MCC: variants seen among roughly 807,000 people sequenced by gnomAD.
MCC encodes MCC regulator of Wnt signaling pathway.
In MCC, 90 loss-of-function variants were observed where a neutral mutation model predicts 116.2. The observed-to-expected ratio is 0.77, with a 90% CI of 0.65 to 0.92. The LOEUF (loss-of-function observed/expected upper bound fraction) is 0.92. Ranked by LOEUF, MCC falls within the 40% of genes least tolerant of loss-of-function variation. MCC has a pLI of 0.00. For missense variants in MCC, 1,516 were observed against 1,312.2 expected (o/e 1.16, Z -2.40); for synonymous variants, 578 against 510.5 (o/e 1.13, Z -1.78).
chr5:113,028,885 A>C (rs1006995418), intron 18 of MCC, 49 bp downstream of exon 18: 1 of 1,599,226 alleles, frequency 6.3e-7, no homozygotes, highest in African/African-American at 1.3e-5. Context: ...TGTCAGTCCA[A>C]GTACCACAGG....
Position 113,083,021 on chromosome 5 carries a change from G to T in MCC, c.1636-13C>A. On this transcript the variant is annotated splice_polypyrimidine_tract_variant and intron_variant, in intron 10 of 18. Coordinates refer to ENST00000408903, the MANE Select transcript of MCC (RefSeq NM_001085377.2). ...CACTGCTGGATACCTGCAAAAAGAA[G>T]CATTAATTCCCCTTTGGAACATATC... 6.2e-7 allele frequency: 1 copy of T among 1,608,030 alleles called. No homozygotes were observed. Among genetic ancestry groups the T allele is most frequent in the Non-Finnish European group, 8.5e-7 (1 of 1,177,762 alleles).
chr5:113,217,032 G>A (rs1037775611), intron 3 of MCC, among the ~76,000 whole-genome samples: 4 of 152,188 alleles, frequency 2.6e-5, no homozygotes, highest in African/African-American at 9.6e-5. Flanking sequence ...CAAGTACACT[G>A]ACAATGAACA....
intron 5 of MCC, among the ~76,000 whole-genome samples, chr5:113,142,141 C>CAATTTGAGGTAAG (rs1324682360): frequency 2.7e-5 from 4 of 147,080 alleles, no homozygotes; most frequent in South Asian, 2.1e-4. Context: ...CCATTAGTAG[C>CAATTTGAGGTAAG]CTCATCAAGA....
At chr5:113,442,580 A>C (rs1330020156) in intron 1 of MCC, among the ~76,000 whole-genome samples, 1 of 152,170 alleles carries the variant, frequency 6.6e-6, no homozygotes, top group South Asian at 2.1e-4. Flanking sequence ...ACCCATGCCT[A>C]TGTCCTGAAT....
intron 1 of MCC, among the ~76,000 whole-genome samples, chr5:113,398,526 C>A (rs534169759): frequency 6.6e-6 from 1 of 152,288 alleles, no homozygotes; most frequent in South Asian, 2.1e-4. Context: ...ATGTCCTTTG[C>A]AGCAACATGA....
chr5:113,142,494 C>T (rs1389826084), intron 5 of MCC, among the ~76,000 whole-genome samples: 1 of 151,886 alleles, frequency 6.6e-6, no homozygotes, highest in Non-Finnish European at 1.5e-5. Flanking sequence ...GTAAGGAAGG[C>T]AGAATCCCTA....
rs1561718581 is a variant in MCC at position 113,022,979 on chromosome 5, A to T, written c.*4323T>A. ...AAATGTATGGTGATCTGCATGTGAAACTGTCTTTCTCTACACAGGTATTAG... is the reference window on the plus strand; with the variant it reads ...AAATGTATGGTGATCTGCATGTGAATCTGTCTTTCTCTACACAGGTATTAG... On this transcript the variant is annotated 3_prime_UTR_variant, in exon 19 of 19. Coordinates refer to ENST00000408903, the MANE Select transcript of MCC (RefSeq NM_001085377.2). 6.6e-6 allele frequency: 1 copy of T among 152,224 alleles called. No individual in the cohort carries two copies. The highest frequency in any genetic ancestry group is 1.5e-5 in the Non-Finnish European group (1 of 68,034). 9.4% of individuals were successfully genotyped at this position (152,224 alleles called of 1,614,324 possible).
intron 3 of MCC, among the ~76,000 whole-genome samples, chr5:113,177,360 C>T (rs560857482): frequency 6.6e-6 from 1 of 152,328 alleles, no homozygotes; most frequent in East Asian, 1.9e-4. Context: ...GTTCCTCTAA[C>T]ATGGGAACTA....
chr5:113,122,492 T>C (rs1024190596), intron 6 of MCC, among the ~76,000 whole-genome samples, 192 bp downstream of exon 6: 2 of 152,262 alleles, frequency 1.3e-5, no homozygotes, highest in African/African-American at 4.8e-5. Flanking sequence ...CACAATTGTA[T>C]CAGAGCAGAA....
chr5:113,309,332 C>T (rs909153114), intron 3 of MCC, among the ~76,000 whole-genome samples: 5 of 152,162 alleles, frequency 3.3e-5, no homozygotes, highest in South Asian at 2.1e-4. Flanking sequence ...TTTTTTACCC[C>T]GTGTTCTTCT....
chr5:113,077,644 C>T (rs551699567), intron 11 of MCC, among the ~76,000 whole-genome samples: 19 of 152,168 alleles, frequency 1.2e-4, no homozygotes, highest in South Asian at 2.1e-4. Flanking sequence ...ATCTCTGGGA[C>T]ACATTTAAAG....
At chr5:113,132,949 CTAAGA>C (rs1758552374) in intron 5 of MCC, among the ~76,000 whole-genome samples, 1 of 152,032 alleles carries the variant, frequency 6.6e-6, no homozygotes, top group African/African-American at 2.4e-5. Flanking sequence ...GGAGAACTCC[CTAAGA>C]TTTCAAACTA....
intron 14 of MCC, 102 bp downstream of exon 14, chr5:113,063,882 C>T (rs1753394195): frequency 1.5e-6 from 2 of 1,307,324 alleles, no homozygotes; most frequent in Non-Finnish European, 2.1e-6. Context: ...TGCCTTTTCC[C>T]AAGCCACACA....
chr5:113,379,724 G>A (rs935254752), intron 2 of MCC, among the ~76,000 whole-genome samples: 3 of 152,096 alleles, frequency 2.0e-5, no homozygotes, highest in African/African-American at 4.8e-5. Flanking sequence ...GGCTTAAACC[G>A]ATATAAAAAT....
intron 3 of MCC, among the ~76,000 whole-genome samples, chr5:113,247,044 C>A (rs7724936): frequency 0.16 from 24,136 of 152,234 alleles, 2,259 homozygotes; most frequent in Admixed American, 0.29. Flanking sequence ...TGCTCTTTCA[C>A]CTTTGTCCTC....
At chr5:113,308,335 G>A (rs1196999006) in intron 3 of MCC, among the ~76,000 whole-genome samples, 1 of 152,132 alleles carries the variant, frequency 6.6e-6, no homozygotes, top group Non-Finnish European at 1.5e-5. Context: ...GCTGTATGAT[G>A]CTCAGTTCAA....
At chr5:113,475,605 G>T (rs1418349609) in intron 1 of MCC, among the ~76,000 whole-genome samples, 1 of 152,054 alleles carries the variant, frequency 6.6e-6, no homozygotes, top group Non-Finnish European at 1.5e-5. Context: ...TCTCCATATG[G>T]CTTCCACTCT....
intron 3 of MCC, among the ~76,000 whole-genome samples, chr5:113,174,082 G>A (rs546038372): frequency 6.6e-6 from 1 of 152,260 alleles, no homozygotes; most frequent in African/African-American, 2.4e-5. Context: ...TCTAGAATGA[G>A]GTATATCACT....
chr5:113,159,023 G>C (rs1177275275), intron 3 of MCC, among the ~76,000 whole-genome samples: 1 of 152,148 alleles, frequency 6.6e-6, no homozygotes, highest in Non-Finnish European at 1.5e-5. Context: ...GGGTTTTCGT[G>C]ATGGCAGCAC....
Sources: allele counts gnomAD v4.1 joint callset (sites outside exome capture counted in the v4.1 genomes callset), GRCh38; gene constraint gnomAD v4.1.1; transcripts MANE v1.5; gene names NCBI Gene and HGNC (gene_info 2026-07-23, HGNC 2026-07-21).